The following HSPH1 variants were observed in gnomAD, a reference collection of about 807,000 sequenced individuals.
The protein encoded by HSPH1 is heat shock protein family H (Hsp110) member 1, also known as heat shock protein 105 kDa.
In HSPH1, 40 loss-of-function variants were observed where a neutral mutation model predicts 100.0. That is an observed-to-expected ratio of 0.40 (90% confidence interval 0.31 to 0.52). HSPH1 has a LOEUF of 0.52. Ranked by LOEUF, HSPH1 falls within the 20% of genes least tolerant of loss-of-function variation. HSPH1 has a pLI of 0.54. For missense variants in HSPH1, 876 were observed against 1,015.1 expected, an observed-to-expected ratio of 0.86 and a Z score of 1.86; for synonymous variants, 403 against 344.0, an observed-to-expected ratio of 1.17 and a Z score of -1.90.
chr13:31,151,502 TA>T, intron 6 of HSPH1, 106 bp downstream of exon 6: 1 of 1,060,868 alleles, frequency 9.4e-7, no homozygotes, highest in East Asian at 2.6e-5. Context: ...TTACCTAAAA[TA>T]AAACTCTTCA....
intron 8 of HSPH1, 68 bp downstream of exon 8, chr13:31,149,886 C>T: frequency 1.6e-6 from 2 of 1,252,216 alleles, no homozygotes; most frequent in Non-Finnish European, 2.3e-6. Context: ...TATTATCCCA[C>T]CATGACGACA....
chr13:31,153,541 T>C (rs984054826), intron 4 of HSPH1, among the ~76,000 whole-genome samples: 2 of 152,218 alleles, frequency 1.3e-5, no homozygotes, highest in South Asian at 4.1e-4. Flanking sequence ...CTGAGGTTTC[T>C]TACAGCACTG....
intron 11 of HSPH1, 70 bp downstream of exon 11, chr13:31,145,493 T>C: frequency 8.5e-7 from 1 of 1,169,900 alleles, no homozygotes; most frequent in Non-Finnish European, 1.2e-6. Context: ...AACCCTTCCC[T>C]ACCCAATTCT....
rs149981680 is a variant in HSPH1, at chr13:31,161,487, G to C, written c.96C>G (p.Asp32Glu). 5.0e-6 allele frequency: 8 copies of C among 1,614,052 alleles called. No individual in the cohort carries two copies. The African/African-American group carries it at 8.0e-5, about 16-fold the overall frequency. The change falls in exon 1 of 18, where the codon GAC (aspartate) becomes GAG (glutamate). Residue 32 changes from aspartate (D) to glutamate (E), a missense_variant. Physicochemically the swap from Asp to Glu is conservative, Grantham distance 45 (BLOSUM62 2). Coordinates refer to ENST00000320027, the MANE Select transcript of HSPH1 (RefSeq NM_006644.4). ...AGACTCCCACTTACGGGGTGCACCGGTCGCTGAACTCATTGGCGATGGTCT... is the reference window on the plus strand; with the variant it reads ...AGACTCCCACTTACGGGGTGCACCGCTCGCTGAACTCATTGGCGATGGTCT... ...GIETIANEFS[D>E]RCTPSVISFG... is the part of the protein sequence containing the mutation.
At chr13:31,140,132 T>C in intron 14 of HSPH1, 52 bp downstream of exon 14, 1 of 1,498,948 alleles carries the variant, frequency 6.7e-7, no homozygotes, top group South Asian at 1.3e-5. Flanking sequence ...AATTTTGATA[T>C]TAAACACTTC....
chr13:31,160,816 G>A (rs1049595866), intron 1 of HSPH1, among the ~76,000 whole-genome samples: 4 of 152,188 alleles, frequency 2.6e-5, no homozygotes, highest in Non-Finnish European at 5.9e-5. Context: ...TTTCGACAAT[G>A]ATCCCGGGCA....
rs1956921282 is a variant in HSPH1 at position 31,161,670 on chromosome 13, G to T, written c.-88C>A. On this transcript the variant is annotated 5_prime_UTR_variant, in exon 1 of 18. Coordinates refer to ENST00000320027, the MANE Select transcript of HSPH1 (RefSeq NM_006644.4). ...TTCTCCTGCCGCCGCTTTCTGCCCT[G>T]GCCGCGTTCTGCTCCGGCCCGCGGG... 1 of 1,572,628 alleles carries T rather than the reference G, an allele frequency of 6.4e-7. No individual in the cohort carries two copies. The highest frequency in any genetic ancestry group is 8.6e-7 in the Non-Finnish European group (1 of 1,165,964).
At chr13:31,157,645 C>T (rs901444109) in intron 2 of HSPH1, among the ~76,000 whole-genome samples, 2 of 152,084 alleles carry the variant, frequency 1.3e-5, no homozygotes, top group African/African-American at 4.8e-5. Context: ...AATCTATTTT[C>T]TGTATTTAGA....
Position 31,137,286 on chromosome 13 carries a change from T to C in HSPH1, c.*32A>G, listed in dbSNP as rs540965902. On this transcript the variant is annotated 3_prime_UTR_variant, in exon 18 of 18. Transcript: ENST00000320027. ...CACATACTATGGCAAAAATATTTTATTAATTGAAGGAATAGGCCAATTTAA... is the reference window on the plus strand; with the variant it reads ...CACATACTATGGCAAAAATATTTTACTAATTGAAGGAATAGGCCAATTTAA... 1.7e-5 allele frequency: 22 copies of C among 1,302,702 alleles called. No individual in the cohort carries two copies. The highest frequency in any genetic ancestry group is 2.4e-5 in the Non-Finnish European group (22 of 914,834). 80.7% of individuals were successfully genotyped at this position (1,302,702 alleles called of 1,614,324 possible).
In HSPH1 at chr13:31,138,769, A is replaced by G; in HGVS notation, c.2208+12T>C. On this transcript the variant is annotated intron_variant, in intron 16 of 17. Coordinates refer to ENST00000320027, the MANE Select transcript of HSPH1 (RefSeq NM_006644.4). ...GTTAACTTCCTCCCTATGTACAAAA[A>G]GACTGACTCACCTTATTTCTGAAGT... The G allele has an allele frequency of 6.3e-7, 1 of 1,597,422 alleles. No homozygotes were observed. Among genetic ancestry groups the G allele is most frequent in the Non-Finnish European group, 8.5e-7 (1 of 1,175,526 alleles).
At chr13:31,140,123 A>G (rs778474328) in intron 14 of HSPH1, 61 bp downstream of exon 14, 1 of 1,454,634 alleles carries the variant, frequency 6.9e-7, no homozygotes, top group East Asian at 2.3e-5. Context: ...TCAACTGTCA[A>G]TTTTGATATT....
chr13:31,162,164 G>C, upstream of HSPH1: 1 of 1,349,058 alleles, frequency 7.4e-7, no homozygotes, highest in Non-Finnish European at 1.0e-6. Context: ...CTAGCCACAG[G>C]CGTTTTGCTG....
Position 31,151,737 on chromosome 13 carries a change from A to G in HSPH1, c.535T>C (p.Leu179=). Residue 179 remains leucine, a synonymous_variant, in exon 6 of 18, where the codon TTG becomes CTG. Transcript: ENST00000320027. ...RLMNDMTAVA[L]NYGIYKQDLP... is the part of the protein sequence containing the mutation. ...TCCTGCTTATAAATTCCGTAATTCA[A>G]AGCAACTACAAAAAATAAGTATGTT... is the stretch of plus-strand genomic sequence containing the variant. 6.2e-7 allele frequency: 1 copy of G among 1,601,756 alleles called. No individual in the cohort carries two copies. The highest frequency in any genetic ancestry group is 8.5e-7 in the Non-Finnish European group (1 of 1,176,014).
rs906742962 is a variant in HSPH1 at position 31,136,784 on chromosome 13, A to G, written c.*534T>C. 1.6e-5 allele frequency: 3 copies of G among 185,612 alleles called. No individual in the cohort carries two copies. The highest frequency in any genetic ancestry group is 7.2e-5 in the African/African-American group (3 of 41,628). 11.5% of individuals were successfully genotyped at this position (185,612 alleles called of 1,614,324 possible). On this transcript the variant is annotated 3_prime_UTR_variant, in exon 18 of 18. Coordinates refer to ENST00000320027, the MANE Select transcript of HSPH1 (RefSeq NM_006644.4). The stretch of plus-strand genomic sequence containing the variant: ...TAAAGTTTTTGTTCTGCATGCTGCT[A>G]ACACATTTGACTAGCTTTTGTTTTA...
At chr13:31,139,509 T>C (rs1043348186) in intron 14 of HSPH1, among the ~76,000 whole-genome samples, 3 of 152,064 alleles carry the variant, frequency 2.0e-5, no homozygotes, top group African/African-American at 7.2e-5. Flanking sequence ...AGGTCCTACC[T>C]GGTTCGGTCA....
chr13:31,149,379 T>C (rs113846570), intron 8 of HSPH1, among the ~76,000 whole-genome samples: 4,074 of 152,270 alleles, frequency 0.027, 193 homozygotes, highest in African/African-American at 0.093. Flanking sequence ...TTTAAAACTA[T>C]ATTTAGATCT....
chr13:31,143,220 G>A (rs1020934451), intron 12 of HSPH1, among the ~76,000 whole-genome samples: 1 of 152,042 alleles, frequency 6.6e-6, no homozygotes, highest in Non-Finnish European at 1.5e-5. Flanking sequence ...AATCTTAAAG[G>A]TTTGATTACA....
Position 31,150,043 on chromosome 13 carries a change from C to T in HSPH1, c.1048G>A (p.Val350Met), listed in dbSNP as rs949524323. The T allele has an allele frequency of 1.2e-6, 2 of 1,613,862 alleles. No homozygotes were observed. Among genetic ancestry groups the T allele is most frequent in the Admixed American group, 3.3e-5 (2 of 59,994 alleles). Residue 350 changes from valine to methionine, a missense_variant, in exon 8 of 18, where the codon GTG becomes ATG. Val to Met is a conservative substitution (Grantham distance 21). Coordinates refer to ENST00000320027, the MANE Select transcript of HSPH1 (RefSeq NM_006644.4). ...IVGGATRIPA[V>M]KERIAKFFGK... is the part of the protein sequence containing the mutation. ...AAGAATTTGGCAATTCTTTCCTTCA[C>T]AGCTGGAATTCGTGTAGCGCCTCCA... is the stretch of plus-strand genomic sequence containing the variant.
At chr13:31,162,061 C>G (rs140359678), upstream of HSPH1, 310 of 1,536,170 alleles carry the variant, frequency 2.0e-4, no homozygotes, top group African/African-American at 3.7e-3. Context: ...ACCCAATGGG[C>G]AGCCGGTCCC....
Sources: gnomAD v4.1 joint callset for allele counts (sites outside exome capture counted in the v4.1 genomes callset) on GRCh38, gnomAD v4.1.1 for gene constraint, MANE v1.5 for transcripts, NCBI Gene and HGNC (gene_info 2026-07-23, HGNC 2026-07-21) for gene names.